AK4: variants seen among roughly 807,000 people sequenced by gnomAD.
The protein encoded by AK4 is adenylate kinase 4, mitochondrial.
Under a neutral mutation model 24.6 loss-of-function variants are expected in AK4, and 13 were observed. That is an observed-to-expected ratio of 0.53 (90% confidence interval 0.34 to 0.84). AK4 has a LOEUF of 0.84. Ranked by LOEUF, AK4 falls within the 40% of genes least tolerant of loss-of-function variation. AK4 has a pLI of 0.01. For synonymous variants in AK4, 88 were observed against 107.0 expected (o/e 0.82, Z 1.10); for missense variants, 192 against 288.2 (o/e 0.67, Z 2.42).
intron 3 of AK4, among the ~76,000 whole-genome samples, chr1:65,222,144 G>T (rs1316470840): frequency 1.3e-5 from 2 of 152,258 alleles, no homozygotes; most frequent in Non-Finnish European, 1.5e-5. Flanking sequence ...TTTGGATCAG[G>T]CATGATGTTT....
rs971533806 is a variant in AK4, at chr1:65,224,010, A to AAAT, written c.439-740_439-739insTAA. Among the ~76,000 whole-genome samples, 12 of 150,022 alleles carry AAAT rather than the reference A, an allele frequency of 8.0e-5. 1 individual carries two copies. The East Asian group carries it at 2.4e-3, about 30-fold the overall frequency. ...TCCGTCTTAAAATAAATAAATAAAT[A>AAAT]AAATAAAACCTGTATTAATCAGAAC... On this transcript the variant is annotated intron_variant, in intron 3 of 4. Transcript: ENST00000327299.
chr1:65,203,168 G>A (rs575691514), intron 2 of AK4, among the ~76,000 whole-genome samples: 14 of 152,122 alleles, frequency 9.2e-5, no homozygotes, highest in Non-Finnish European at 1.5e-4. Context: ...CCACTGTGCC[G>A]AGTTGTATAG....
intron 3 of AK4, among the ~76,000 whole-genome samples, chr1:65,224,249 T>G (rs1457584253): frequency 6.6e-6 from 1 of 152,186 alleles, no homozygotes; most frequent in East Asian, 1.9e-4. Context: ...TAAGAGAAAT[T>G]TCATAGAAGC....
At chr1:65,224,621 A>G (rs1201340522) in intron 3 of AK4, 131 bp from the exon 4 acceptor site, 1 of 684,356 alleles carries the variant, frequency 1.5e-6, no homozygotes, top group African/African-American at 1.8e-5. Context: ...TAAAATTACC[A>G]CTGTCACCAA....
At chr1:65,188,507 C>T (rs1380267165) in intron 1 of AK4, among the ~76,000 whole-genome samples, 1 of 152,110 alleles carries the variant, frequency 6.6e-6, no homozygotes, top group African/African-American at 2.4e-5. Context: ...GAGATGGAGT[C>T]TTGCTCTGTC....
At chr1:65,211,284 A>T (rs148508086) in intron 2 of AK4, among the ~76,000 whole-genome samples, 1 of 152,228 alleles carries the variant, frequency 6.6e-6, no homozygotes, top group Non-Finnish European at 1.5e-5. Flanking sequence ...AAAAAGCAAG[A>T]TGCAGAACAT....
intron 2 of AK4, among the ~76,000 whole-genome samples, chr1:65,205,301 A>G (rs1474778771): frequency 6.6e-6 from 1 of 152,170 alleles, no homozygotes; most frequent in African/African-American, 2.4e-5. Flanking sequence ...GCGATGGTGC[A>G]GTCGTGTTAA....
At chr1:65,224,115 A>C (rs921033232) in intron 3 of AK4, among the ~76,000 whole-genome samples, 1 of 152,232 alleles carries the variant, frequency 6.6e-6, no homozygotes, top group Non-Finnish European at 1.5e-5. Flanking sequence ...GATTTAACAA[A>C]TCCAACACCA....
At chr1:65,198,624 CAAGT>C (rs1433818954) in intron 2 of AK4, among the ~76,000 whole-genome samples, 2 of 151,970 alleles carry the variant, frequency 1.3e-5, no homozygotes, top group East Asian at 1.9e-4. Flanking sequence ...ATGATTTTTG[CAAGT>C]AAGGAGTGGC....
At chr1:65,183,686 T>C (rs965378062) in intron 1 of AK4, among the ~76,000 whole-genome samples, 52 of 151,686 alleles carry the variant, frequency 3.4e-4, no homozygotes, top group Middle Eastern at 6.8e-3. Flanking sequence ...TGTGTGTGTG[T>C]GTGTGTGTAT....
upstream of AK4, chr1:65,147,699 G>GCGCGGGGCTCGGGCTCGT: frequency 6.6e-6 from 1 of 152,046 alleles, no homozygotes; most frequent in Non-Finnish European, 1.5e-5. Flanking sequence ...TGGTGGCGAG[G>GCGCGGGGCTCGGGCTCGT]CGCGGGGCTC....
chr1:65,189,302 T>TC (rs1357339916), intron 1 of AK4, among the ~76,000 whole-genome samples: 10 of 150,930 alleles, frequency 6.6e-5, no homozygotes, highest in Non-Finnish European at 1.2e-4. Flanking sequence ...TTTTTTTTTT[T>TC]TGAGATGGAG....
At chr1:65,192,068 A>G (rs1385866436) in intron 2 of AK4, among the ~76,000 whole-genome samples, 1 of 152,116 alleles carries the variant, frequency 6.6e-6, no homozygotes, top group African/African-American at 2.4e-5. Context: ...AGGCATGTTA[A>G]TTTCTCTAGA....
intron 2 of AK4, among the ~76,000 whole-genome samples, chr1:65,198,833 T>C (rs528077504): frequency 1.3e-5 from 2 of 152,054 alleles, no homozygotes; most frequent in African/African-American, 4.8e-5. Context: ...TCCCAGCAGT[T>C]TGGGAGACAG....
intron 2 of AK4, among the ~76,000 whole-genome samples, chr1:65,200,983 G>A (rs985027322): frequency 2.0e-5 from 3 of 152,154 alleles, no homozygotes; most frequent in Middle Eastern, 3.4e-3. Context: ...TAGTAGAGAC[G>A]GGGTTTCGCC....
chr1:65,171,574 G>A lies in AK4; in HGVS notation c.146-19136G>A, dbSNP rs549523429. On this transcript the variant is annotated intron_variant, in intron 1 of 4. Coordinates refer to ENST00000327299, the MANE Select transcript of AK4 (RefSeq NM_013410.4). The stretch of plus-strand genomic sequence containing the variant: ...CCCACCTCGGCCTCCCAAAGTGATG[G>A]GATTACAGGTGTGAGCCACTGTGCC... 4.7e-4 allele frequency among the ~76,000 whole-genome samples: 71 copies of A among 152,030 alleles called. 2 individuals are homozygous for A. In the South Asian group the frequency reaches 0.014, roughly 31 times the overall value.
intron 1 of AK4, among the ~76,000 whole-genome samples, chr1:65,156,349 GCCT>G (rs1422186326): frequency 6.6e-6 from 1 of 151,946 alleles, no homozygotes; most frequent in African/African-American, 2.4e-5. Context: ...GTATAGCAGT[GCCT>G]CTTTTTTTTA....
At chr1:65,148,650 C>A in intron 1 of AK4, 98 bp downstream of exon 1, 1 of 1,414,902 alleles carries the variant, frequency 7.1e-7, no homozygotes, top group Non-Finnish European at 9.3e-7. Context: ...GCCCTTCCCC[C>A]GCCCGCGTGT....
intron 1 of AK4, chr1:65,149,116 TGTCTGTTC>T (rs1649678250): frequency 6.6e-6 from 1 of 152,374 alleles, no homozygotes; most frequent in Admixed American, 6.5e-5. Flanking sequence ...TTGAAAGGCC[TGTCTGTTC>T]GTTGTCGCCT....
Sources: gnomAD v4.1 joint callset for allele counts (sites outside exome capture counted in the v4.1 genomes callset) on GRCh38, gnomAD v4.1.1 for gene constraint, MANE v1.5 for transcripts, NCBI Gene and HGNC (gene_info 2026-07-23, HGNC 2026-07-21) for gene names.